The following ERC2 variants were observed in gnomAD, a reference collection of about 807,000 sequenced individuals.
ERC2 encodes the protein ELKS/RAB6-interacting/CAST family member 2, also known as ERC protein 2.
In ERC2, 42 loss-of-function variants were observed where a neutral mutation model predicts 114.8. The ratio of observed to expected loss-of-function variants is 0.37; its 90% CI spans 0.29 to 0.47. The LOEUF (loss-of-function observed/expected upper bound fraction) is 0.47, where lower values mean the gene tolerates loss of function less well. Among genes scored for constraint, ERC2 ranks in the 20% least tolerant of loss-of-function variants. ERC2 has a pLI of 0.99. For missense variants in ERC2, 939 were observed against 1,150.7 expected (o/e 0.82, Z 2.66); for synonymous variants, 454 against 425.5 (o/e 1.07, Z -0.82).
At chr3:55,583,061 C>T (rs1274347452) in intron 17 of ERC2, among the ~76,000 whole-genome samples, 3 of 152,148 alleles carry the variant, frequency 2.0e-5, no homozygotes, top group Admixed American at 1.3e-4. Context: ...ATAGTAAGTA[C>T]TAATTAGTTA....
chr3:56,017,635 T>C (rs2073396704), intron 8 of ERC2, among the ~76,000 whole-genome samples: 1 of 152,102 alleles, frequency 6.6e-6, no homozygotes, highest in African/African-American at 2.4e-5. Flanking sequence ...TTTCCTTAAG[T>C]GTCACCTTCT....
At chr3:56,215,539 T>C (rs9818484) in intron 3 of ERC2, among the ~76,000 whole-genome samples, 6,660 of 152,162 alleles carry the variant, frequency 0.044, 203 homozygotes, top group African/African-American at 0.083. Context: ...CACACAAAAA[T>C]AATGGGAGAG....
chr3:56,141,511 G>T (rs2080853480), intron 5 of ERC2, among the ~76,000 whole-genome samples: 1 of 152,188 alleles, frequency 6.6e-6, no homozygotes, highest in Non-Finnish European at 1.5e-5. Context: ...TGTGGTCATG[G>T]TGGCCCCTTT....
intron 6 of ERC2, among the ~76,000 whole-genome samples, chr3:56,106,402 C>A (rs1447545791): frequency 6.6e-6 from 1 of 152,146 alleles, no homozygotes; most frequent in African/African-American, 2.4e-5. Context: ...GAAGAAGGAA[C>A]CAAAAGTATT....
At chr3:55,654,043 G>T (rs547938148) in intron 17 of ERC2, among the ~76,000 whole-genome samples, 30 of 152,346 alleles carry the variant, frequency 2.0e-4, no homozygotes, top group African/African-American at 7.2e-4. Flanking sequence ...AGATAGCTGG[G>T]AAAACAGTTT....
At position 55,847,225 on chromosome 3, in the gene ERC2, A is replaced by T. The variant is rs780160854; in HGVS notation, c.2564+41164T>A. 1.1e-3 allele frequency among the ~76,000 whole-genome samples: 170 copies of T among 152,384 alleles called. 1 individual carries two copies. The highest frequency in any genetic ancestry group is 4.9e-4 in the Non-Finnish European group (33 of 68,038). On this transcript the variant is annotated intron_variant, in intron 14 of 17. Coordinates refer to ENST00000288221, the MANE Select transcript of ERC2 (RefSeq NM_015576.3). ...ATAAATGGGAGAACTTTACAGGCTT[A>T]TAAGTTATAAACCTATAAAGCTTTT...
At chr3:56,118,540 G>T (rs1047038088) in intron 6 of ERC2, among the ~76,000 whole-genome samples, 1 of 151,970 alleles carries the variant, frequency 6.6e-6, no homozygotes, top group Admixed American at 6.6e-5. Context: ...ACCAAGCTAG[G>T]TCTTTTCCAT....
intron 4 of ERC2, among the ~76,000 whole-genome samples, chr3:56,155,770 C>T (rs1371813512): frequency 6.6e-6 from 1 of 151,938 alleles, no homozygotes; most frequent in Non-Finnish European, 1.5e-5. Context: ...ATAATACATA[C>T]AAAATCAAGA....
chr3:56,256,751 G>A (rs539410728), intron 3 of ERC2, among the ~76,000 whole-genome samples: 1 of 152,256 alleles, frequency 6.6e-6, no homozygotes, highest in South Asian at 2.1e-4. Flanking sequence ...TCATGATAGT[G>A]AATGAGTTCT....
At chr3:55,718,070 G>C (rs950933341) in intron 15 of ERC2, among the ~76,000 whole-genome samples, 2 of 152,154 alleles carry the variant, frequency 1.3e-5, no homozygotes, top group African/African-American at 4.8e-5. Flanking sequence ...ACAGGATCAG[G>C]CTTTTTTATG....
At chr3:55,591,247 G>C (rs2057865379) in intron 17 of ERC2, among the ~76,000 whole-genome samples, 1 of 150,854 alleles carries the variant, frequency 6.6e-6, no homozygotes, top group African/African-American at 2.4e-5. Flanking sequence ...CTGGGAAATC[G>C]TGAGAAGTGT....
At chr3:55,961,493 CT>C (rs1183147039) in intron 12 of ERC2, among the ~76,000 whole-genome samples, 1 of 152,194 alleles carries the variant, frequency 6.6e-6, no homozygotes, top group Non-Finnish European at 1.5e-5. Context: ...CCTTTTCTGT[CT>C]TCCTTGTTCT....
At chr3:55,984,996 C>T (rs946195323) in intron 12 of ERC2, among the ~76,000 whole-genome samples, 5 of 152,200 alleles carry the variant, frequency 3.3e-5, no homozygotes, top group African/African-American at 1.2e-4. Flanking sequence ...GTTGCAGACC[C>T]TGTGTACAGA....
chr3:55,603,495 G>C (rs896453343), intron 17 of ERC2, among the ~76,000 whole-genome samples: 20 of 151,774 alleles, frequency 1.3e-4, no homozygotes, highest in Non-Finnish European at 2.2e-4. Flanking sequence ...AGCCAGGCGT[G>C]GTGGTGGACG....
intron 6 of ERC2, among the ~76,000 whole-genome samples, chr3:56,129,803 C>T (rs572131506): frequency 2.0e-5 from 3 of 152,170 alleles, no homozygotes; most frequent in Admixed American, 6.5e-5. Flanking sequence ...AGCTCTGACT[C>T]GATACCTCTA....
chr3:56,187,983 G>A (rs759512259), intron 3 of ERC2, among the ~76,000 whole-genome samples: 1 of 152,146 alleles, frequency 6.6e-6, no homozygotes, highest in African/African-American at 2.4e-5. Flanking sequence ...GAACCAGCAC[G>A]CAAACACCTG....
chr3:55,565,408 T>A (rs1391892509), intron 17 of ERC2, among the ~76,000 whole-genome samples: 1 of 152,192 alleles, frequency 6.6e-6, no homozygotes, highest in East Asian at 1.9e-4. Flanking sequence ...ACTGGAAGCC[T>A]GCTGGGAAGA....
chr3:56,018,564 G>T (rs746142058), intron 8 of ERC2, among the ~76,000 whole-genome samples: 2 of 152,156 alleles, frequency 1.3e-5, no homozygotes, highest in Non-Finnish European at 1.5e-5. Context: ...CACACAGAGT[G>T]GGGGCTTGCC....
intron 12 of ERC2, among the ~76,000 whole-genome samples, chr3:55,981,528 T>C (rs2070139707): frequency 6.6e-6 from 1 of 152,180 alleles, no homozygotes; most frequent in African/African-American, 2.4e-5. Context: ...TTTACTGCTA[T>C]ATCCCCAACA....
Sources: gnomAD v4.1 joint callset for allele counts (sites outside exome capture counted in the v4.1 genomes callset) on GRCh38, gnomAD v4.1.1 for gene constraint, MANE v1.5 for transcripts, NCBI Gene and HGNC (gene_info 2026-07-23, HGNC 2026-07-21) for gene names.